MAP7: variants seen among roughly 807,000 people sequenced by gnomAD.
MAP7 encodes ensconsin.
Under a neutral mutation model 94.8 loss-of-function variants are expected in MAP7, and 52 were observed. The observed-to-expected ratio is 0.55, with a 90% CI of 0.44 to 0.69. The LOEUF (loss-of-function observed/expected upper bound fraction) is 0.69. MAP7 is among the 30% of genes least tolerant of loss of function. The probability of loss-of-function intolerance (pLI) is 0.00; values close to 1 mark genes in which losing one functional copy is unlikely to be tolerated. For missense variants in MAP7, 940 were observed against 964.6 expected (o/e 0.97, Z 0.34); for synonymous variants, 350 against 357.0 (o/e 0.98, Z 0.22).
chr6:136,402,319 TAA>T (rs1784321964), intron 3 of MAP7, among the ~76,000 whole-genome samples: 1 of 152,228 alleles, frequency 6.6e-6, no homozygotes, highest in Admixed American at 6.5e-5. Context: ...ATAAATGAAC[TAA>T]AGAGTTAAAG....
intron 1 of MAP7, among the ~76,000 whole-genome samples, chr6:136,549,954 C>G (rs966234472): frequency 9.9e-5 from 15 of 152,214 alleles, no homozygotes; most frequent in Admixed American, 4.6e-4. Flanking sequence ...TGGCCGACGA[C>G]TCTCTGGCCA....
In MAP7 at chr6:136,365,844, T is replaced by C. The variant is rs1158422449; in HGVS notation, c.1164A>G (p.Glu388=). ...AGGGCTCATTGGCAACTTTCTGAGG[T>C]TCCTTCTCAGGATCTTTCTTCTCAG... ...VEPEKKDPEK[E]PQKVANEPSL... is the part of the protein sequence containing the mutation. The change falls in exon 10 of 18, where the codon GAA becomes GAG. Residue 388 remains glutamate (E), a synonymous_variant. Coordinates refer to ENST00000354570, the MANE Select transcript of MAP7 (RefSeq NM_003980.6). The C allele has an allele frequency of 5.6e-6, 9 of 1,613,970 alleles. No homozygotes were observed. Among genetic ancestry groups the C allele is most frequent in the Non-Finnish European group, 7.6e-6 (9 of 1,180,012 alleles).
At chr6:136,545,140 T>G (rs1829627741) in intron 1 of MAP7, 1 of 152,214 alleles carries the variant, frequency 6.6e-6, no homozygotes, top group Admixed American at 6.5e-5. Flanking sequence ...AAAGTTGGTG[T>G]GTATGTCGCT....
chr6:136,506,640 G>A (rs1821605613), intron 1 of MAP7, among the ~76,000 whole-genome samples: 1 of 152,186 alleles, frequency 6.6e-6, no homozygotes, highest in Non-Finnish European at 1.5e-5. Context: ...CACTGGAAAG[G>A]TTTCCTTCAC....
chr6:136,532,877 T>C (rs551093462), intron 1 of MAP7, among the ~76,000 whole-genome samples: 61 of 152,348 alleles, frequency 4.0e-4, no homozygotes, highest in African/African-American at 1.4e-3. Flanking sequence ...AAATGCTAAA[T>C]CACAGAAACA....
chr6:136,419,223 T>C (rs1790476236), intron 2 of MAP7, among the ~76,000 whole-genome samples: 1 of 152,164 alleles, frequency 6.6e-6, no homozygotes, highest in African/African-American at 2.4e-5. Context: ...CTTTTAATAA[T>C]ATATTCCTAG....
intron 3 of MAP7, among the ~76,000 whole-genome samples, chr6:136,399,495 C>A (rs1287904693): frequency 6.6e-6 from 1 of 151,984 alleles, no homozygotes; most frequent in African/African-American, 2.4e-5. Context: ...AGGCACATGC[C>A]ACCATGTCTG....
intron 15 of MAP7, 41 bp from the exon 16 acceptor site, chr6:136,356,835 T>G: frequency 1.3e-6 from 2 of 1,523,102 alleles, no homozygotes; most frequent in Non-Finnish European, 1.8e-6. Flanking sequence ...GTTACTAATA[T>G]TCTTTTCTTA....
At chr6:136,403,628 C>T (rs1376357048) in intron 3 of MAP7, among the ~76,000 whole-genome samples, 3 of 152,310 alleles carry the variant, frequency 2.0e-5, no homozygotes, top group African/African-American at 7.2e-5. Context: ...TAGCCTCTAC[C>T]GTCATCTGTT....
Position 136,411,650 on chromosome 6 carries a change from C to T in MAP7, c.214G>A (p.Glu72Lys), listed in dbSNP as rs147125690. The T allele has an allele frequency of 5.5e-5, 86 of 1,564,202 alleles. No homozygotes were observed. The highest frequency in any genetic ancestry group is 6.3e-5 in the Non-Finnish European group (73 of 1,153,168). ...RVDDRQRLAR[E>K]RREEREKQLA... Reference sequence around the variant, plus strand: ...TGTTTCTCCCGTTCCTCACGTCGCTCCCGGGCCAGCCGCTGCCGGTCATCA... The same window carrying T: ...TGTTTCTCCCGTTCCTCACGTCGCTTCCGGGCCAGCCGCTGCCGGTCATCA... Residue 72 changes from glutamate to lysine, a missense_variant, in exon 3 of 18, where the codon GAG becomes AAG. Glu to Lys is a moderately conservative substitution (Grantham distance 56). Transcript: ENST00000354570.
intron 1 of MAP7, among the ~76,000 whole-genome samples, chr6:136,495,633 G>T (rs951454568): frequency 3.3e-5 from 5 of 152,120 alleles, no homozygotes; most frequent in African/African-American, 4.8e-5. Flanking sequence ...TACTCAACCT[G>T]TATAAGTTTT....
At chr6:136,495,994 A>G (rs990129854) in intron 1 of MAP7, among the ~76,000 whole-genome samples, 1 of 152,214 alleles carries the variant, frequency 6.6e-6, no homozygotes, top group Non-Finnish European at 1.5e-5. Flanking sequence ...AGTCTGTGGA[A>G]CAATTAAAAT....
intron 3 of MAP7, among the ~76,000 whole-genome samples, chr6:136,401,305 T>C (rs1784010303): frequency 1.3e-5 from 2 of 152,182 alleles, no homozygotes; most frequent in Non-Finnish European, 1.5e-5. Flanking sequence ...TGAGCTATGA[T>C]TGCACCACTG....
At chr6:136,411,803 T>C in intron 2 of MAP7, 106 bp from the exon 3 acceptor site, 1 of 872,920 alleles carries the variant, frequency 1.1e-6, no homozygotes, top group Non-Finnish European at 1.8e-6. Flanking sequence ...AAGAATAATA[T>C]ATTGCTGCAC....
intron 6 of MAP7, among the ~76,000 whole-genome samples, chr6:136,378,277 A>T (rs1355747567): frequency 6.6e-6 from 1 of 152,208 alleles, no homozygotes; most frequent in Non-Finnish European, 1.5e-5. Flanking sequence ...CTTCCTAAGT[A>T]CCTTGAATAA....
intron 1 of MAP7, among the ~76,000 whole-genome samples, chr6:136,469,850 G>T (rs1211527059): frequency 6.6e-6 from 1 of 152,184 alleles, no homozygotes; most frequent in Non-Finnish European, 1.5e-5. Context: ...CCTAACAAAT[G>T]TAAAATACAA....
intron 16 of MAP7, among the ~76,000 whole-genome samples, chr6:136,349,759 A>G (rs1361492687): frequency 6.6e-6 from 1 of 152,094 alleles, no homozygotes; most frequent in African/African-American, 2.4e-5. Flanking sequence ...TCAGTGGGGA[A>G]CCTGTCAGGG....
At chr6:136,362,908 T>C (rs150256302) in intron 10 of MAP7, among the ~76,000 whole-genome samples, 70 of 152,306 alleles carry the variant, frequency 4.6e-4, no homozygotes, top group African/African-American at 1.7e-3. Context: ...AAGTAAGACA[T>C]CCAACAAAGC....
chr6:136,495,500 G>A (rs1218303705), intron 1 of MAP7, among the ~76,000 whole-genome samples: 1 of 150,964 alleles, frequency 6.6e-6, no homozygotes, highest in Admixed American at 6.6e-5. Flanking sequence ...ACACACACAC[G>A]TAGAGCATAT....
Sources: gnomAD v4.1 joint callset for allele counts (sites outside exome capture counted in the v4.1 genomes callset) on GRCh38, gnomAD v4.1.1 for gene constraint, MANE v1.5 for transcripts, NCBI Gene and HGNC (gene_info 2026-07-23, HGNC 2026-07-21) for gene names.